Variants in ITGAD observed in about 807,000 individuals in gnomAD.
ITGAD encodes the protein integrin subunit alpha D, also known as integrin alpha-D.
ITGAD carries 105 observed loss-of-function variants against 139.0 expected under a neutral mutation model. That is an observed-to-expected ratio of 0.76 (90% CI 0.65 to 0.89). ITGAD has a LOEUF of 0.89. Ranked by LOEUF, ITGAD falls within the 40% of genes least tolerant of loss-of-function variation. The pLI is 0.00. For missense variants in ITGAD, 1,384 were observed against 1,487.3 expected, an observed-to-expected ratio of 0.93 and a Z score of 1.14; for synonymous variants, 569 against 598.3, an observed-to-expected ratio of 0.95 and a Z score of 0.71.
chr16:31,411,211 AG>A lies in ITGAD; in HGVS notation c.1497+1del, dbSNP rs762659181. 5 of 1,613,054 alleles carry A rather than the reference AG, an allele frequency of 3.1e-6. No individual in the cohort carries two copies. The highest frequency in any genetic ancestry group is 4.2e-6 in the Non-Finnish European group (5 of 1,179,496). On this transcript the variant is annotated frameshift_variant, in exon 13 of 30. Transcript: ENST00000389202. LOFTEE classifies it high-confidence loss of function. ...GGQVSVCPLPRGRVQWQCDAV... is the reference protein window; with the variant it reads ...GGQVSVCPLPXGRVQWQCDAV... Reference sequence around the variant, plus strand: ...CCAGGTGTCCGTGTGTCCCTTGCCTAGGGGGGTGAGTGGCTGATGGGACCTA... The same window carrying A: ...CCAGGTGTCCGTGTGTCCCTTGCCTAGGGGGTGAGTGGCTGATGGGACCTA...
intron 20 of ITGAD, among the ~76,000 whole-genome samples, chr16:31,417,606 T>A (rs2081922476): frequency 6.6e-6 from 1 of 152,120 alleles, no homozygotes; most frequent in Non-Finnish European, 1.5e-5. Context: ...TTAAAAAATT[T>A]TTTGTATGGG....
intron 23 of ITGAD, among the ~76,000 whole-genome samples, chr16:31,419,040 A>AG (rs2081956728): frequency 2.0e-5 from 3 of 149,324 alleles, no homozygotes; most frequent in Non-Finnish European, 4.5e-5. Context: ...AAAAAAAAAA[A>AG]AAATTAGCTG....
rs777773167 is a variant in ITGAD, at chr16:31,403,469, A to G, written c.559-31A>G. ...ATAAAAACAATAGTAACAGGCACTGAGCCCTGGGCCCTCCCCACTGGCCTT... is the reference window on the plus strand; with the variant it reads ...ATAAAAACAATAGTAACAGGCACTGGGCCCTGGGCCCTCCCCACTGGCCTT... On this transcript the variant is annotated intron_variant, in intron 6 of 29. Transcript: ENST00000389202. This position sits in a 1 kb window ranked among gnomAD's most constrained non-coding sequence, Gnocchi z 4.4. 4 of 1,612,886 alleles carry G rather than the reference A, an allele frequency of 2.5e-6. No homozygotes were observed. Among genetic ancestry groups the G allele is most frequent in the Middle Eastern group, 1.6e-4 (1 of 6,078 alleles).
intron 5 of ITGAD, among the ~76,000 whole-genome samples, chr16:31,399,683 G>A (rs941877381): frequency 5.3e-5 from 8 of 152,180 alleles, no homozygotes; most frequent in South Asian, 2.1e-4. Flanking sequence ...ACAGCCATCC[G>A]TGGAACTCAT....
rs1327065735 is a variant in ITGAD at position 31,416,286 on chromosome 16, G to T, written c.2357G>T (p.Gly786Val). The T allele has an allele frequency of 6.3e-7, 1 of 1,599,296 alleles. No homozygotes were observed. Among genetic ancestry groups the T allele is most frequent in the East Asian group, 2.3e-5 (1 of 44,422 alleles). The change falls in exon 19 of 30, where the codon GGC becomes GTC. Residue 786 changes from glycine (G) to valine (V), a missense_variant and splice_region_variant. Coordinates refer to ENST00000389202, the MANE Select transcript of ITGAD (RefSeq NM_005353.3). ...GDLGVTLSFS[G>V]LQTLTVGSSL... is the part of the protein sequence containing the mutation. ...CTGGGTGTCACCCTCAGCTTCTCAGGGTGAGCTGTAACTCCCTTCATATCC... is the reference window on the plus strand; with the variant it reads ...CTGGGTGTCACCCTCAGCTTCTCAGTGTGAGCTGTAACTCCCTTCATATCC...
At chr16:31,416,017 C>G (rs992960567) in intron 18 of ITGAD, among the ~76,000 whole-genome samples, 196 bp from the exon 19 acceptor site, 1 of 151,960 alleles carries the variant, frequency 6.6e-6, no homozygotes. Context: ...ACTTTATGTC[C>G]CTTGAAGCCA....
Position 31,397,397 on chromosome 16 carries a change from A to G in ITGAD, c.176A>G (p.Asn59Ser), listed in dbSNP as rs768947190. Residue 59 changes from asparagine (N) to serine (S), a missense_variant, in exon 3 of 30, where the codon AAC (asparagine) becomes AGC (serine). Physicochemically the swap from Asn to Ser is conservative, Grantham distance 46 (BLOSUM62 1). Coordinates refer to ENST00000389202, the MANE Select transcript of ITGAD (RefSeq NM_005353.3). ...VGAPLEVVAANQTGRLYDCAA... is the reference protein window; with the variant it reads ...VGAPLEVVAASQTGRLYDCAA... ...GCACCCCTGGAGGTGGTGGCGGCCA[A>G]CCAGACGGGACGGCTGTATGACTGC... 1.2e-6 allele frequency: 2 copies of G among 1,604,380 alleles called. No individual in the cohort carries two copies. Among genetic ancestry groups the G allele is most frequent in the Non-Finnish European group, 1.7e-6 (2 of 1,176,098 alleles).
At chr16:31,408,579 A>G in intron 10 of ITGAD, 81 bp downstream of exon 10, 1 of 1,285,076 alleles carries the variant, frequency 7.8e-7, no homozygotes, top group Non-Finnish European at 1.1e-6. Flanking sequence ...GGAGCCAGAC[A>G]TAAACAAGAG....
In ITGAD at chr16:31,418,622, C is replaced by T. The variant is rs1377298607; in HGVS notation, c.2780+58C>T. The T allele has an allele frequency of 2.4e-6, 3 of 1,257,620 alleles. No individual in the cohort carries two copies. In the African/African-American group the frequency reaches 4.4e-5, roughly 19 times the overall value. The allele number at this position is 1,257,620 out of a possible 1,614,324, so 77.9% of individuals were successfully genotyped here. A position where few individuals can be genotyped will look rare whatever the true frequency, so the allele number is the denominator to read the frequency against. ...TGGCCTTCCTCTATGCCTGGTACTC[C>T]TTCTGAGTCCCAGCCTGCTCTTCCA... On this transcript the variant is annotated intron_variant, in intron 23 of 29. Coordinates refer to ENST00000389202, the MANE Select transcript of ITGAD (RefSeq NM_005353.3).
rs374541200 is a variant in ITGAD at position 31,407,936 on chromosome 16, C to T, written c.1009+20C>T. On this transcript the variant is annotated intron_variant, in intron 9 of 29. Transcript: ENST00000389202. Reference sequence around the variant, plus strand: ...TTGAGGGTAAATGGAAGCAAGGGTGCGCCTGGGAGCCAAGGGGTCCCCACC... The same window carrying T: ...TTGAGGGTAAATGGAAGCAAGGGTGTGCCTGGGAGCCAAGGGGTCCCCACC... The T allele has an allele frequency of 6.5e-5, 101 of 1,553,874 alleles. No individual in the cohort carries two copies. The Admixed American group carries it at 9.0e-4, about 14-fold the overall frequency.
chr16:31,401,805 C>G (rs74758883), intron 5 of ITGAD, among the ~76,000 whole-genome samples: 4 of 152,232 alleles, frequency 2.6e-5, no homozygotes, highest in African/African-American at 9.6e-5. Context: ...CCAGAACACG[C>G]GCCCTGAACC....
At chr16:31,422,775 G>C (rs529342053) in intron 23 of ITGAD, among the ~76,000 whole-genome samples, 36 of 152,236 alleles carry the variant, frequency 2.4e-4, no homozygotes, top group African/African-American at 8.4e-4. Context: ...CAGAGCTAGT[G>C]GATCTGGGTG....
At chr16:31,401,926 CCT>C (rs1470655301) in intron 5 of ITGAD, among the ~76,000 whole-genome samples, 187 bp from the exon 6 acceptor site, 4 of 152,136 alleles carry the variant, frequency 2.6e-5, no homozygotes, top group Admixed American at 2.0e-4. Flanking sequence ...TGTTGTCATC[CCT>C]CTCTTTCCAG....
chr16:31,426,375 G>A lies in ITGAD; in HGVS notation c.*247G>A, dbSNP rs984242358. The A allele has an allele frequency of 2.3e-6, 1 of 433,084 alleles. No individual in the cohort carries two copies. Among genetic ancestry groups the A allele is most frequent in the African/African-American group, 2.0e-5 (1 of 49,880 alleles). The allele number at this position is 433,084 out of a possible 1,614,324, so 26.8% of individuals were successfully genotyped here. A position where few individuals can be genotyped will look rare whatever the true frequency, so the allele number is the denominator to read the frequency against. The stretch of plus-strand genomic sequence containing the variant: ...ATAAATTTTCATATGCTTAAGAATT[G>A]TCACATGAAATGAGGATGTTTATAG... On this transcript the variant is annotated 3_prime_UTR_variant, in exon 30 of 30. Transcript: ENST00000389202.
Position 31,394,264 on chromosome 16 carries a change from G to A in ITGAD, c.60G>A (p.Leu20=). ...SVLASYHGFN[L]DVEEPTIFQE... is the part of the protein sequence containing the mutation. Reference sequence around the variant, plus strand: ...TGGCTTCTTATCATGGATTCAACCTGGATGTGGAGGAGCCTACGATCTTCC... The same window carrying A: ...TGGCTTCTTATCATGGATTCAACCTAGATGTGGAGGAGCCTACGATCTTCC... The change falls in exon 2 of 30, where the codon CTG becomes CTA. Residue 20 remains leucine (L), a synonymous_variant. Transcript: ENST00000389202. 1 of 1,613,862 alleles carries A rather than the reference G, an allele frequency of 6.2e-7. No individual in the cohort carries two copies. The highest frequency in any genetic ancestry group is 8.5e-7 in the Non-Finnish European group (1 of 1,179,882).
chr16:31,415,119 C>G, intron 18 of ITGAD, 128 bp downstream of exon 18: 1 of 1,022,654 alleles, frequency 9.8e-7, no homozygotes. Context: ...TCTCTCCCTT[C>G]CTCCTCACAC....
At chr16:31,393,488 C>T in intron 1 of ITGAD, 97 bp downstream of exon 1, 1 of 1,315,914 alleles carries the variant, frequency 7.6e-7, no homozygotes, top group South Asian at 1.2e-5. Flanking sequence ...GCTCCAACCA[C>T]TCTTATGAGG....
At chr16:31,418,425 G>T (rs367689152) in intron 22 of ITGAD, 45 bp downstream of exon 22, 701 of 1,607,256 alleles carry the variant, frequency 4.4e-4, no homozygotes, top group Non-Finnish European at 5.8e-4. Context: ...CGCATGCCCC[G>T]GCTAGAGACC....
chr16:31,424,394 G>C, intron 28 of ITGAD, 73 bp from the exon 29 acceptor site: 1 of 1,338,970 alleles, frequency 7.5e-7, no homozygotes, highest in South Asian at 1.2e-5. Flanking sequence ...GGAGGGGAGA[G>C]AGTTAAAGGT....
Sources: gnomAD v4.1 joint callset for allele counts (sites outside exome capture counted in the v4.1 genomes callset) on GRCh38, gnomAD v4.1.1 for gene constraint, Gnocchi (gnomAD v3.1) non-coding constraint, MANE v1.5 for transcripts, NCBI Gene and HGNC (gene_info 2026-07-23, HGNC 2026-07-21) for gene names.